Variants in CAMKK2 observed in about 807,000 individuals in gnomAD.
CAMKK2 encodes calcium/calmodulin dependent protein kinase kinase 2.
A neutral mutation model predicts 67.2 loss-of-function variants in CAMKK2; 30 were observed. The observed-to-expected ratio is 0.45, with a 90% CI of 0.33 to 0.61. CAMKK2 has a LOEUF of 0.61. Ranked by LOEUF, CAMKK2 falls within the 20% of genes least tolerant of loss-of-function variation. The pLI, the probability that CAMKK2 is intolerant of heterozygous loss-of-function variation, is 0.02. For missense variants in CAMKK2, 643 were observed against 802.0 expected (o/e 0.80, Z 2.39); for synonymous variants, 322 against 326.2 (o/e 0.99, Z 0.14).
chr12:121,246,117 C>T (rs35898441), intron 14 of CAMKK2, among the ~76,000 whole-genome samples: 44,970 of 151,262 alleles, frequency 0.3, 7,096 homozygotes, highest in East Asian at 0.35. Context: ...TGCTGATGGG[C>T]GGGGGTGTGA....
At chr12:121,258,075 A>T (rs1191328498) in intron 7 of CAMKK2, among the ~76,000 whole-genome samples, 2 of 143,664 alleles carry the variant, frequency 1.4e-5, no homozygotes, top group African/African-American at 5.3e-5. Context: ...CCCAGACTGG[A>T]GTGCAATGGC....
At chr12:121,292,646 G>C (rs1677747645) in intron 1 of CAMKK2, among the ~76,000 whole-genome samples, 1 of 152,174 alleles carries the variant, frequency 6.6e-6, no homozygotes, top group Non-Finnish European at 1.5e-5. Flanking sequence ...CCAAAGAGAA[G>C]AAGTGAGTGG....
At chr12:121,287,386 T>TGCAATCAGC (rs1309655506) in intron 1 of CAMKK2, among the ~76,000 whole-genome samples, 2 of 152,166 alleles carry the variant, frequency 1.3e-5, no homozygotes, top group Non-Finnish European at 2.9e-5. Flanking sequence ...ACATGGCTTT[T>TGCAATCAGC]GCAATCAGCG....
chr12:121,256,874 A>G (rs1892395727), intron 7 of CAMKK2, among the ~76,000 whole-genome samples: 1 of 152,182 alleles, frequency 6.6e-6, no homozygotes, highest in Non-Finnish European at 1.5e-5. Flanking sequence ...GTTCGTGTAC[A>G]TGGATATGTT....
intron 7 of CAMKK2, among the ~76,000 whole-genome samples, chr12:121,256,113 A>T (rs1263590833): frequency 6.6e-6 from 1 of 152,206 alleles, no homozygotes; most frequent in East Asian, 1.9e-4. Flanking sequence ...ACGGTGGCTC[A>T]CGCCAGTGTA....
At chr12:121,268,748 A>G in intron 4 of CAMKK2, 59 bp from the exon 5 acceptor site, 1 of 1,514,330 alleles carries the variant, frequency 6.6e-7, no homozygotes, top group Non-Finnish European at 9.2e-7. Flanking sequence ...AGGGAGGAAA[A>G]GGGGAAGGAG....
chr12:121,286,391 C>A (rs980846846), intron 1 of CAMKK2, among the ~76,000 whole-genome samples: 5 of 152,236 alleles, frequency 3.3e-5, no homozygotes, highest in Non-Finnish European at 5.9e-5. Flanking sequence ...AAGAAACTGG[C>A]ATTTTCAACA....
intron 2 of CAMKK2, among the ~76,000 whole-genome samples, chr12:121,272,279 T>C (rs1042180376): frequency 8.5e-5 from 13 of 152,376 alleles, no homozygotes; most frequent in African/African-American, 2.6e-4. Flanking sequence ...GCAATCCAAA[T>C]GTCCTTCAAC....
chr12:121,243,879 A>G (rs2136140982), intron 16 of CAMKK2: 1 of 1,365,432 alleles, frequency 7.3e-7, no homozygotes, highest in South Asian at 1.7e-5. Flanking sequence ...CAAGTCAGGT[A>G]GCCATGATGT....
intron 16 of CAMKK2, chr12:121,243,522 T>G (rs1199333408): frequency 6.5e-6 from 1 of 152,794 alleles, no homozygotes; most frequent in Admixed American, 6.5e-5. Context: ...CACTAATACA[T>G]GTAGAGCATG....
chr12:121,269,587 T>A lies in CAMKK2; in HGVS notation c.520-6A>T. 6.2e-7 allele frequency: 1 copy of A among 1,603,508 alleles called. No homozygotes were observed. Among genetic ancestry groups the A allele is most frequent in the Non-Finnish European group, 8.5e-7 (1 of 1,173,480 alleles). Reference sequence around the variant, plus strand: ...TTGACGACACCATAGGAGCCCTGGATAAAGGGAGATGCCCATGACATACTA... The same window carrying A: ...TTGACGACACCATAGGAGCCCTGGAAAAAGGGAGATGCCCATGACATACTA... On this transcript the variant is annotated splice_region_variant and splice_polypyrimidine_tract_variant and intron_variant, in intron 3 of 16. Transcript: ENST00000404169.
At chr12:121,263,502 G>A (rs1893897339) in intron 6 of CAMKK2, among the ~76,000 whole-genome samples, 1 of 152,156 alleles carries the variant, frequency 6.6e-6, no homozygotes, top group Admixed American at 6.6e-5. Context: ...ACCCATATGT[G>A]TAAGTAGAAA....
intron 7 of CAMKK2, among the ~76,000 whole-genome samples, chr12:121,257,846 C>A (rs1297737013): frequency 1.3e-5 from 2 of 152,082 alleles, no homozygotes; most frequent in Non-Finnish European, 2.9e-5. Context: ...CACTTGCAAG[C>A]TTCATGAATT....
chr12:121,239,355 A>G lies in CAMKK2; in HGVS notation c.*1344T>C, dbSNP rs1887982561. ...TGGAAGGAGTCACACTTGAACCTCA[A>G]CCAAACTTCCCAATATCAGTTGGAA... On this transcript the variant is annotated 3_prime_UTR_variant, in exon 17 of 17. Transcript: ENST00000404169. 1 of 152,174 alleles carries G rather than the reference A, an allele frequency of 6.6e-6. No homozygotes were observed. Among genetic ancestry groups the G allele is most frequent in the Non-Finnish European group, 1.5e-5 (1 of 68,032 alleles). The allele number at this position is 152,174 out of a possible 1,614,324, so 9.4% of individuals were successfully genotyped here. A position where few individuals can be genotyped will look rare whatever the true frequency, so the allele number is the denominator to read the frequency against.
chr12:121,247,422 G>A (rs1217751118), intron 14 of CAMKK2, among the ~76,000 whole-genome samples: 6 of 152,198 alleles, frequency 3.9e-5, no homozygotes, highest in Admixed American at 2.0e-4. Flanking sequence ...AGGGCCAGAC[G>A]CTTTCTCCCA....
intron 1 of CAMKK2, among the ~76,000 whole-genome samples, chr12:121,294,161 G>A (rs187723335): frequency 6.7e-4 from 102 of 152,194 alleles, no homozygotes; most frequent in African/African-American, 2.4e-3. Context: ...TCGAACTCCT[G>A]ACCTCAGGTG....
chr12:121,273,471 G>A (rs779071038), intron 2 of CAMKK2, among the ~76,000 whole-genome samples: 7 of 152,050 alleles, frequency 4.6e-5, no homozygotes, highest in Non-Finnish European at 1.0e-4. Flanking sequence ...ATCCCCGCAG[G>A]GTTTACGGTA....
intron 5 of CAMKK2, among the ~76,000 whole-genome samples, chr12:121,267,361 C>T (rs1894835719): frequency 6.6e-6 from 1 of 151,830 alleles, no homozygotes; most frequent in South Asian, 2.1e-4. Context: ...ATCCACCCAC[C>T]TTGGCCTCCC....
intron 1 of CAMKK2, among the ~76,000 whole-genome samples, chr12:121,290,348 A>G (rs2136641387): frequency 6.6e-6 from 1 of 152,296 alleles, no homozygotes; most frequent in Middle Eastern, 3.4e-3. Flanking sequence ...ACCTGGAAAA[A>G]AGTCTCACAA....
Sources: gnomAD v4.1 joint callset for allele counts (sites outside exome capture counted in the v4.1 genomes callset) on GRCh38, gnomAD v4.1.1 for gene constraint, MANE v1.5 for transcripts, NCBI Gene and HGNC (gene_info 2026-07-23, HGNC 2026-07-21) for gene names.